Variants in FBXO4 observed in about 807,000 individuals in gnomAD.
FBXO4 encodes the protein F-box only protein 4.
In FBXO4, 36 loss-of-function variants were observed where a neutral mutation model predicts 43.7. The ratio of observed to expected loss-of-function variants is 0.82; its 90% confidence interval spans 0.63 to 1.09. The LOEUF is 1.09. Ranked by LOEUF, FBXO4 falls within the 50% of genes least tolerant of loss-of-function variation. FBXO4 has a pLI of 0.00. For synonymous variants in FBXO4, 180 were observed against 165.6 expected, an observed-to-expected ratio of 1.09 and a Z score of -0.67; for missense variants, 435 against 474.1, an observed-to-expected ratio of 0.92 and a Z score of 0.77.
chr5:41,993,620 T>G, the FBXO4 span, among the ~76,000 whole-genome samples: 5 of 132,966 alleles, frequency 3.8e-5, no homozygotes, highest in Admixed American at 3.3e-4. Flanking sequence ...ACTAATAGGA[T>G]ATATATATAT....
the FBXO4 span, among the ~76,000 whole-genome samples, chr5:41,972,463 G>C: frequency 6.6e-6 from 1 of 151,476 alleles, no homozygotes; most frequent in Non-Finnish European, 1.5e-5. Flanking sequence ...CAAACAAATG[G>C]AAAATCAATA....
the FBXO4 span, among the ~76,000 whole-genome samples, chr5:41,985,840 C>G: frequency 6.6e-6 from 1 of 152,130 alleles, no homozygotes; most frequent in African/African-American, 2.4e-5. Context: ...CCTCAAAAAA[C>G]TGTTAGCTTT....
intron 2 of FBXO4, among the ~76,000 whole-genome samples, chr5:41,929,494 C>A (rs572262740): frequency 6.6e-6 from 1 of 152,272 alleles, no homozygotes; most frequent in Non-Finnish European, 1.5e-5. Flanking sequence ...CCACTCCCAC[C>A]CCCATGGCAC....
At chr5:41,970,180 A>C in the FBXO4 span, among the ~76,000 whole-genome samples, 5 of 152,080 alleles carry the variant, frequency 3.3e-5, no homozygotes, top group Non-Finnish European at 5.9e-5. Flanking sequence ...GCACTTATAG[A>C]TGCCTAATTT....
downstream of FBXO4, among the ~76,000 whole-genome samples, chr5:41,946,445 T>C (rs1209933235): frequency 2.6e-5 from 4 of 152,196 alleles, no homozygotes; most frequent in African/African-American, 9.6e-5. Flanking sequence ...TCGAATAATA[T>C]GCATCAGCAG....
the FBXO4 span, among the ~76,000 whole-genome samples, chr5:41,975,597 C>T: frequency 6.6e-6 from 1 of 152,140 alleles, no homozygotes; most frequent in Non-Finnish European, 1.5e-5. Flanking sequence ...TTGTACAGAA[C>T]AATTCAATAG....
the FBXO4 span, among the ~76,000 whole-genome samples, chr5:41,997,097 A>C: frequency 2.6e-5 from 4 of 152,222 alleles, no homozygotes; most frequent in Admixed American, 6.5e-5. Context: ...GGGAGGCAAA[A>C]TGCTTCTGGT....
chr5:41,986,590 G>C, the FBXO4 span, among the ~76,000 whole-genome samples: 2 of 152,146 alleles, frequency 1.3e-5, no homozygotes, highest in East Asian at 3.8e-4. Flanking sequence ...ACTAAACACA[G>C]AGGGCACTTC....
the FBXO4 span, among the ~76,000 whole-genome samples, chr5:42,033,622 C>A: frequency 6.6e-6 from 1 of 152,084 alleles, no homozygotes; most frequent in East Asian, 1.9e-4. Context: ...TGACTGAGAA[C>A]ATGCAGTGTT....
At chr5:42,027,516 A>ATT in the FBXO4 span, among the ~76,000 whole-genome samples, 2 of 150,706 alleles carry the variant, frequency 1.3e-5, no homozygotes, top group African/African-American at 4.9e-5. Flanking sequence ...GATCTTTTGT[A>ATT]TTTTTTCATT....
chr5:41,942,338 T>C (rs757918483), downstream of FBXO4, among the ~76,000 whole-genome samples: 2 of 151,936 alleles, frequency 1.3e-5, no homozygotes, highest in Non-Finnish European at 2.9e-5. Context: ...TTAATATTTC[T>C]AATAATAATC....
the FBXO4 span, among the ~76,000 whole-genome samples, chr5:42,029,376 T>C: frequency 6.6e-6 from 1 of 152,094 alleles, no homozygotes; most frequent in South Asian, 2.1e-4. Context: ...ATCCTTCCTT[T>C]ATCCTTGATC....
At chr5:42,002,707 T>TC in the FBXO4 span, among the ~76,000 whole-genome samples, 1 of 152,254 alleles carries the variant, frequency 6.6e-6, no homozygotes, top group Admixed American at 6.5e-5. Flanking sequence ...TCTATCTATA[T>TC]TATCTATATC....
chr5:41,997,541 C>A, the FBXO4 span, among the ~76,000 whole-genome samples: 3 of 152,140 alleles, frequency 2.0e-5, no homozygotes, highest in Non-Finnish European at 4.4e-5. Flanking sequence ...TATGTCTATG[C>A]CAATTATGCA....
chr5:41,974,679 C>T, the FBXO4 span, among the ~76,000 whole-genome samples: 1 of 152,090 alleles, frequency 6.6e-6, no homozygotes, highest in Admixed American at 6.6e-5. Context: ...CACCTTCTCT[C>T]TTAGAACTTT....
At chr5:41,980,773 AT>A in the FBXO4 span, among the ~76,000 whole-genome samples, 158 of 148,706 alleles carry the variant, frequency 1.1e-3, no homozygotes, top group African/African-American at 3.1e-3. Flanking sequence ...CTACCTGTGT[AT>A]TTTTTTTTTG....
the FBXO4 span, among the ~76,000 whole-genome samples, chr5:42,011,982 C>T: frequency 5.7e-4 from 86 of 152,136 alleles, no homozygotes; most frequent in Non-Finnish European, 9.4e-4. Context: ...CTTCAAATTC[C>T]TTAATTAACT....
chr5:42,029,901 A>T, the FBXO4 span, among the ~76,000 whole-genome samples: 1,207 of 152,082 alleles, frequency 7.9e-3, 10 homozygotes, highest in Middle Eastern at 0.027. Flanking sequence ...CTCAACACAG[A>T]TATTTCTAAT....
the FBXO4 span, among the ~76,000 whole-genome samples, chr5:42,003,722 AGT>A: frequency 3.3e-4 from 42 of 127,550 alleles, 1 homozygote; most frequent in African/African-American, 1.1e-3. Flanking sequence ...CCTGTGTCCA[AGT>A]GTTCTCATTG....
Sources: gnomAD v4.1 joint callset for allele counts (sites outside exome capture counted in the v4.1 genomes callset) on GRCh38, gnomAD v4.1.1 for gene constraint, MANE v1.5 for transcripts, NCBI Gene and HGNC (gene_info 2026-07-23, HGNC 2026-07-21) for gene names.